The following OXR1 variants were observed in gnomAD, a reference collection of about 807,000 sequenced individuals.
OXR1 encodes oxidation resistance 1.
In OXR1, 41 loss-of-function variants were observed where a neutral mutation model predicts 104.6. That is an observed-to-expected ratio of 0.39 (90% confidence interval 0.31 to 0.51). The LOEUF is 0.51. Among genes scored for constraint, OXR1 ranks in the 20% least tolerant of loss-of-function variants. The probability of loss-of-function intolerance (pLI) is 0.77; values close to 1 mark genes in which losing one functional copy is unlikely to be tolerated. For synonymous variants in OXR1, 348 were observed against 348.4 expected (o/e 1.00, Z 0.01); for missense variants, 955 against 1,031.9 (o/e 0.93, Z 1.02).
intron 3 of OXR1, among the ~76,000 whole-genome samples, chr8:106,539,826 C>T (rs576332540): frequency 4.6e-5 from 7 of 152,102 alleles, no homozygotes; most frequent in African/African-American, 1.4e-4. Flanking sequence ...GCCTGAGTTT[C>T]GGGCTGTGTC....
chr8:106,405,998 A>G (rs989180025), intron 2 of OXR1, among the ~76,000 whole-genome samples: 1 of 152,206 alleles, frequency 6.6e-6, no homozygotes, highest in African/African-American at 2.4e-5. Context: ...ACTGTATATA[A>G]TTAACTCTAA....
At chr8:106,290,586 TAAATC>T (rs1563697730) in intron 1 of OXR1, among the ~76,000 whole-genome samples, 2 of 152,104 alleles carry the variant, frequency 1.3e-5, no homozygotes, top group African/African-American at 4.8e-5. Flanking sequence ...ATAAGGAACT[TAAATC>T]AATAGCCAAA....
At chr8:106,575,773 A>G (rs982421886) in intron 3 of OXR1, among the ~76,000 whole-genome samples, 2 of 151,998 alleles carry the variant, frequency 1.3e-5, no homozygotes, top group South Asian at 2.1e-4. Flanking sequence ...TATGTGCCAA[A>G]GCTCATGCAG....
intron 5 of OXR1, among the ~76,000 whole-genome samples, chr8:106,683,994 C>G (rs1828441898): frequency 6.6e-6 from 1 of 152,060 alleles, no homozygotes. Flanking sequence ...CCAAATTGTC[C>G]TTTAGGAGTG....
At position 106,736,943 on chromosome 8, in the gene OXR1, A is replaced by C. The variant is rs143946376; in HGVS notation, c.1957-577A>C. On this transcript the variant is annotated intron_variant, in intron 11 of 16. Transcript: ENST00000517566. ...TGATTAGACATACTTTTGAAAATCT[A>C]ATTTTCTACTTTCTAGAGCTTATTT... Among the ~76,000 whole-genome samples, 5 of 152,274 alleles carry C rather than the reference A, an allele frequency of 3.3e-5. 1 individual carries two copies. The highest frequency in any genetic ancestry group is 1.3e-4 in the Admixed American group (2 of 15,302).
At chr8:106,492,176 T>G (rs984679) in intron 2 of OXR1, among the ~76,000 whole-genome samples, 16,264 of 152,242 alleles carry the variant, frequency 0.11, 953 homozygotes, top group African/African-American at 0.14. Flanking sequence ...GGTGCCTGGG[T>G]CACAGTTTGG....
At chr8:106,323,165 G>A (rs967595998) in intron 1 of OXR1, among the ~76,000 whole-genome samples, 1 of 152,196 alleles carries the variant, frequency 6.6e-6, no homozygotes, top group Non-Finnish European at 1.5e-5. Flanking sequence ...AATGAAAACA[G>A]CGTGGTAGTG....
At chr8:106,639,131 C>CT (rs1823417998) in intron 3 of OXR1, among the ~76,000 whole-genome samples, 1 of 152,166 alleles carries the variant, frequency 6.6e-6, no homozygotes, top group South Asian at 2.1e-4. Flanking sequence ...CCAGAGGGGA[C>CT]TTTCCTATCA....
At chr8:106,687,283 CCA>C (rs1298093869) in intron 6 of OXR1, among the ~76,000 whole-genome samples, 4 of 152,180 alleles carry the variant, frequency 2.6e-5, no homozygotes, top group African/African-American at 9.7e-5. Flanking sequence ...TCAGCCCTTT[CCA>C]CAGAGCCATC....
intron 2 of OXR1, among the ~76,000 whole-genome samples, chr8:106,425,705 CA>C (rs1272222034): frequency 1.3e-5 from 2 of 152,048 alleles, no homozygotes. Context: ...AAAACTGTGC[CA>C]AAGACTGGGA....
chr8:106,408,209 T>C (rs1212514733), intron 2 of OXR1, among the ~76,000 whole-genome samples: 5 of 152,200 alleles, frequency 3.3e-5, no homozygotes, highest in African/African-American at 1.2e-4. Flanking sequence ...CAAGAATGGT[T>C]CTTCTCTCTG....
In OXR1 at chr8:106,692,784, A is replaced by C; in HGVS notation, c.582A>C (p.Arg194=). The C allele has an allele frequency of 6.2e-7, 1 of 1,602,296 alleles. No homozygotes were observed. The highest frequency in any genetic ancestry group is 8.5e-7 in the Non-Finnish European group (1 of 1,172,460). Residue 194 remains arginine (R), a synonymous_variant, in exon 7 of 17, where the codon CGA becomes CGC. Coordinates refer to ENST00000517566, the MANE Select transcript of OXR1 (RefSeq NM_001198533.2). ...ATPSSTFTGI[R]PARVVSSTSE... ...CCTCATCTACTTTCACTGGTATTCG[A>C]CCTGCACGAGTTGTATCTTCAACTT...
At chr8:106,340,649 C>T (rs775257145) in intron 1 of OXR1, among the ~76,000 whole-genome samples, 1 of 152,070 alleles carries the variant, frequency 6.6e-6, no homozygotes, top group East Asian at 1.9e-4. Context: ...TAAATCAGAA[C>T]AGCTTTTTGT....
At chr8:106,393,708 T>G (rs1027890020) in intron 2 of OXR1, among the ~76,000 whole-genome samples, 1 of 152,072 alleles carries the variant, frequency 6.6e-6, no homozygotes, top group Non-Finnish European at 1.5e-5. Flanking sequence ...GAGTACTTTA[T>G]AGTTTAAGAA....
intron 3 of OXR1, among the ~76,000 whole-genome samples, chr8:106,562,082 A>G (rs1183803614): frequency 6.6e-6 from 1 of 152,074 alleles, no homozygotes; most frequent in Non-Finnish European, 1.5e-5. Context: ...AAGGATCACA[A>G]CTCCTCACCA....
In OXR1 at chr8:106,348,872, T is replaced by C. The variant is rs540258164; in HGVS notation, c.-138-10604T>C. Among the ~76,000 whole-genome samples the C allele has an allele frequency of 3.8e-4, 58 of 152,286 alleles. 1 individual carries two copies. In the South Asian group the frequency reaches 9.3e-3, roughly 25 times the overall value. ...CCAGAAGATATAGCATAGGCCACAC[T>C]GAGGAGGATCCCAAGCGTAATAGTT... On this transcript the variant is annotated intron_variant, in intron 1 of 16. Transcript: ENST00000517566.
intron 2 of OXR1, among the ~76,000 whole-genome samples, chr8:106,464,598 G>A (rs1821079355): frequency 6.6e-6 from 1 of 151,930 alleles, no homozygotes; most frequent in African/African-American, 2.4e-5. Flanking sequence ...ATCCTTAGGA[G>A]ATATCCCCAG....
intron 13 of OXR1, among the ~76,000 whole-genome samples, chr8:106,739,972 C>G (rs961356173): frequency 2.6e-5 from 4 of 152,130 alleles, no homozygotes; most frequent in Admixed American, 2.0e-4. Context: ...TGATTCCTAA[C>G]TTGGATAGTC....
intron 3 of OXR1, among the ~76,000 whole-genome samples, chr8:106,668,290 G>GT (rs762294223): frequency 3.9e-5 from 6 of 152,124 alleles, no homozygotes; most frequent in African/African-American, 7.2e-5. Context: ...TAATGTTTCA[G>GT]TAGAGAAGTC....
Sources: gnomAD v4.1 joint callset for allele counts (sites outside exome capture counted in the v4.1 genomes callset) on GRCh38, gnomAD v4.1.1 for gene constraint, MANE v1.5 for transcripts, NCBI Gene and HGNC (gene_info 2026-07-23, HGNC 2026-07-21) for gene names.